Variants in AKAP8L observed in about 807,000 individuals in gnomAD.
AKAP8L encodes the protein A-kinase anchoring protein 8 like.
A neutral mutation model predicts 77.5 loss-of-function variants in AKAP8L; 34 were observed. That is an observed-to-expected ratio of 0.44 (90% CI 0.33 to 0.58). The LOEUF (loss-of-function observed/expected upper bound fraction) is 0.58. Ranked by LOEUF, AKAP8L falls within the 20% of genes least tolerant of loss-of-function variation. The probability of loss-of-function intolerance (pLI) is 0.02; values close to 1 mark genes in which losing one functional copy is unlikely to be tolerated. For missense variants in AKAP8L, 806 were observed against 887.6 expected (o/e 0.91, Z 1.17); for synonymous variants, 342 against 340.7 (o/e 1.00, Z -0.04).
intron 12 of AKAP8L, among the ~76,000 whole-genome samples, chr19:15,381,585 C>T (rs1475739841): frequency 6.6e-6 from 1 of 152,108 alleles, no homozygotes; most frequent in East Asian, 1.9e-4. Context: ...TTCAGAAAGC[C>T]TTCTCACTTG....
intron 12 of AKAP8L, 68 bp from the exon 13 acceptor site, chr19:15,380,680 GC>G: frequency 6.6e-7 from 1 of 1,517,136 alleles, no homozygotes. Flanking sequence ...CCCCGACCCT[GC>G]CAGCTTAGAG....
chr19:15,405,331 T>C (rs974421093), intron 2 of AKAP8L, among the ~76,000 whole-genome samples: 2 of 151,996 alleles, frequency 1.3e-5, no homozygotes, highest in Non-Finnish European at 2.9e-5. Flanking sequence ...GTCAGGAGTT[T>C]GAAACCAGCC....
Position 15,401,685 on chromosome 19 carries a change from T to G in AKAP8L, c.363-82A>C. 8.6e-7 allele frequency: 1 copy of G among 1,162,150 alleles called. No homozygotes were observed. Among genetic ancestry groups the G allele is most frequent in the Non-Finnish European group, 1.2e-6 (1 of 833,090 alleles). 72.0% of individuals were successfully genotyped at this position (1,162,150 alleles called of 1,614,324 possible). A position where few individuals can be genotyped will look rare whatever the true frequency, so the allele number is the denominator to read the frequency against. On this transcript the variant is annotated intron_variant, in intron 4 of 13. Transcript: ENST00000397410. The surrounding 1 kb of genome is among the most constrained non-coding windows in gnomAD (Gnocchi z 6.2). ...GCAACTGCTCCTGCCCTCCCCAATC[T>G]CCCAGTCCAGCACCCACCCTGCCCT...
chr19:15,394,100 C>T (rs1428497098), intron 12 of AKAP8L, among the ~76,000 whole-genome samples: 3 of 152,070 alleles, frequency 2.0e-5, no homozygotes, highest in African/African-American at 4.8e-5. Context: ...AAACATATGT[C>T]CACATAAAAA....
rs1234067405 is a variant in AKAP8L at position 15,397,589 on chromosome 19, GC to G, written c.1335del (p.Glu445AspfsTer22). ...TCAAGGTCCTCCACGGTTTTTCGGA[GC>G]TCCTCTGTCTTCTTGGTCTTGTTAG... ...YVTNKTKKTEELRKTVEDLDG... is the reference protein window; with the variant it reads ...YVTNKTKKTEXLRKTVEDLDG... On this transcript the variant is annotated frameshift_variant, in exon 11 of 14. Coordinates refer to ENST00000397410, the MANE Select transcript of AKAP8L (RefSeq NM_014371.4). LOFTEE classifies it high-confidence loss of function. This position sits in a 1 kb window ranked among gnomAD's most constrained non-coding sequence, Gnocchi z 4.7. 6.2e-7 allele frequency: 1 copy of G among 1,613,796 alleles called. No homozygotes were observed. The highest frequency in any genetic ancestry group is 8.5e-7 in the Non-Finnish European group (1 of 1,179,886).
rs1378190022 is a variant in AKAP8L, at chr19:15,403,605, C to T, written c.232G>A (p.Ala78Thr). 1.2e-6 allele frequency: 2 copies of T among 1,613,864 alleles called. No individual in the cohort carries two copies. Among genetic ancestry groups the T allele is most frequent in the Non-Finnish European group, 8.5e-7 (1 of 1,179,902 alleles). Residue 78 changes from alanine (A) to threonine (T), a missense_variant, in exon 4 of 14, where the codon GCA becomes ACA. By Grantham distance (58) the Ala-to-Thr change is moderately conservative. Around this residue, in one of 2 missense-constraint regions of AKAP8L, gnomAD observed 580 missense variants for 694.1 expected, o/e 0.84. Coordinates refer to ENST00000397410, the MANE Select transcript of AKAP8L (RefSeq NM_014371.4). This position sits in a 1 kb window ranked among gnomAD's most constrained non-coding sequence, Gnocchi z 4.3. ...GCGCTACCCGAGGCACTAGTGTTTG[C>T]ATTTGTGTCAGAGCTAGGCATTTCC... ...SWEMPSSDTN[A>T]NTSASGSASA...
At chr19:15,413,359 A>C (rs1009120299) in intron 1 of AKAP8L, among the ~76,000 whole-genome samples, 3 of 152,172 alleles carry the variant, frequency 2.0e-5, no homozygotes, top group African/African-American at 7.2e-5. Flanking sequence ...ACCCCACGTG[A>C]CTTCTCTTAA....
intron 1 of AKAP8L, among the ~76,000 whole-genome samples, chr19:15,413,254 C>A (rs969738995): frequency 6.6e-6 from 1 of 152,340 alleles, no homozygotes; most frequent in East Asian, 1.9e-4. Context: ...CCAAAACTCA[C>A]GCTGGAGCTG....
chr19:15,395,637 CAT>C (rs1166506860), intron 12 of AKAP8L, among the ~76,000 whole-genome samples: 1 of 150,902 alleles, frequency 6.6e-6, no homozygotes, highest in Non-Finnish European at 1.5e-5. Flanking sequence ...TCATTAATGA[CAT>C]ATAGTTTCCA....
In AKAP8L at chr19:15,380,350, C is replaced by T. The variant is rs1189090718; in HGVS notation, c.1713G>A (p.Ala571=). 2 of 1,550,132 alleles carry T rather than the reference C, an allele frequency of 1.3e-6. No individual in the cohort carries two copies. Among genetic ancestry groups the T allele is most frequent in the Admixed American group, 1.9e-5 (1 of 52,202 alleles). The change falls in exon 14 of 14, where the codon GCG becomes GCA. Residue 571 remains alanine, a synonymous_variant. Transcript: ENST00000397410. ...CCGAGATCCCTGCCGCTTCGCCCTG[C>T]GCCCCCTCGTCCAGGGCACCGCCCT... ...EAEGGALDEG[A]QGEAAGISEG... is the part of the protein sequence containing the mutation.
At chr19:15,386,298 GT>G (rs1194361358) in intron 12 of AKAP8L, among the ~76,000 whole-genome samples, 3 of 152,142 alleles carry the variant, frequency 2.0e-5, no homozygotes, top group African/African-American at 7.2e-5. Context: ...TGGAATTAAG[GT>G]TTAAGAAGCT....
chr19:15,391,388 G>A (rs1967655323), intron 12 of AKAP8L, among the ~76,000 whole-genome samples: 1 of 137,338 alleles, frequency 7.3e-6, no homozygotes, highest in African/African-American at 2.7e-5. Context: ...AACCTGGGAG[G>A]TGGAGGTTGC....
chr19:15,386,217 C>G (rs1967534639), intron 12 of AKAP8L, among the ~76,000 whole-genome samples: 1 of 152,024 alleles, frequency 6.6e-6, no homozygotes, highest in African/African-American at 2.4e-5. Flanking sequence ...GCCAATCCAG[C>G]CCACTTTCAT....
rs1056680443 is a variant in AKAP8L at position 15,400,960 on chromosome 19, G to A, written c.900C>T (p.Ser300=). The A allele has an allele frequency of 9.3e-6, 15 of 1,613,842 alleles. No individual in the cohort carries two copies. Among genetic ancestry groups the A allele is most frequent in the Non-Finnish European group, 1.1e-5 (13 of 1,179,888 alleles). ...TAGTGGGCTCACCATTGTCTGAGTCGCTGTTGTCCGAGCAGTCCGTGCGGG... is the reference window on the plus strand; with the variant it reads ...TAGTGGGCTCACCATTGTCTGAGTCACTGTTGTCCGAGCAGTCCGTGCGGG... The part of the protein sequence containing the change: ...KATRTDCSDN[S]DSDNDEGTEG... Residue 300 remains serine, a synonymous_variant, in exon 6 of 14, where the codon AGC becomes AGT. Transcript: ENST00000397410.
chr19:15,394,905 A>G (rs1164551574), intron 12 of AKAP8L, among the ~76,000 whole-genome samples: 1 of 151,846 alleles, frequency 6.6e-6, no homozygotes, highest in Non-Finnish European at 1.5e-5. Flanking sequence ...CCTTCTAAAT[A>G]TCTTTCATCA....
intron 2 of AKAP8L, among the ~76,000 whole-genome samples, chr19:15,407,371 T>C (rs1379765113): frequency 6.6e-6 from 1 of 152,230 alleles, no homozygotes; most frequent in Admixed American, 6.5e-5. Flanking sequence ...AGGATCTTGG[T>C]TGACTGTTTT....
chr19:15,397,548 T>C lies in AKAP8L; in HGVS notation c.1377A>G (p.Gln459=), dbSNP rs1393054356. The change falls in exon 11 of 14, where the codon CAA becomes CAG. Residue 459 remains glutamine, a synonymous_variant. Coordinates refer to ENST00000397410, the MANE Select transcript of AKAP8L (RefSeq NM_014371.4). This position sits in a 1 kb window ranked among gnomAD's most constrained non-coding sequence, Gnocchi z 4.7. ...TVEDLDGLIQ[Q]IYRDQDLTQE... ...GGGTCAGATCCTGGTCTCTGTAGAT[T>C]TGCTGGATGAGGCCATCAAGGTCCT... 1.9e-6 allele frequency: 3 copies of C among 1,613,682 alleles called. No individual in the cohort carries two copies. The highest frequency in any genetic ancestry group is 2.2e-5 in the East Asian group (1 of 44,886).
intron 12 of AKAP8L, among the ~76,000 whole-genome samples, chr19:15,395,888 G>A (rs1035586240): frequency 7.1e-6 from 1 of 141,040 alleles, no homozygotes; most frequent in African/African-American, 2.6e-5. Flanking sequence ...GGAGGCTGAG[G>A]CAGGAGAATG....
At chr19:15,404,493 C>G (rs572670550) in intron 2 of AKAP8L, among the ~76,000 whole-genome samples, 20 of 152,306 alleles carry the variant, frequency 1.3e-4, no homozygotes, top group Non-Finnish European at 2.8e-4. Context: ...AGAAGCAACC[C>G]CTCGCTTGAG....
Sources: allele counts gnomAD v4.1 joint callset (sites outside exome capture counted in the v4.1 genomes callset), GRCh38; gene constraint gnomAD v4.1.1; regional missense constraint gnomAD v4.1.1; non-coding constraint Gnocchi (gnomAD v3.1); transcripts MANE v1.5; gene names NCBI Gene and HGNC (gene_info 2026-07-23, HGNC 2026-07-21).